LRP1: variants seen among roughly 807,000 people sequenced by gnomAD.
LRP1 encodes LDL receptor related protein 1, also known as prolow-density lipoprotein receptor-related protein 1.
Under a neutral mutation model 541.5 loss-of-function variants are expected in LRP1, and 51 were observed. The ratio of observed to expected loss-of-function variants is 0.09; its 90% CI spans 0.08 to 0.12. The LOEUF (loss-of-function observed/expected upper bound fraction) is 0.12. Among genes scored for constraint, LRP1 ranks in the 10% least tolerant of loss-of-function variants. LRP1 has a pLI of 1.00. For missense variants in LRP1, 3,878 were observed against 6,376.2 expected, an observed-to-expected ratio of 0.61 and a Z score of 13.34; for synonymous variants, 2,219 against 2,470.8, an observed-to-expected ratio of 0.90 and a Z score of 3.02.
rs1266017169 is a variant in LRP1, at chr12:57,141,530, T to A, written c.328+19T>A. 1.9e-6 allele frequency: 3 copies of A among 1,614,100 alleles called. No individual in the cohort carries two copies. Among genetic ancestry groups the A allele is most frequent in the Non-Finnish European group, 1.7e-6 (2 of 1,179,990 alleles). ...TGCCGAGGTAAGGACTTTTCCACTCTCTACTCTCCCGTCTGGATGCAGCAT... is the reference window on the plus strand; with the variant it reads ...TGCCGAGGTAAGGACTTTTCCACTCACTACTCTCCCGTCTGGATGCAGCAT... On this transcript the variant is annotated intron_variant, in intron 3 of 88. Transcript: ENST00000243077.
chr12:57,148,587 G>A (rs182780036), intron 6 of LRP1, among the ~76,000 whole-genome samples: 15 of 152,324 alleles, frequency 9.8e-5, no homozygotes, highest in Non-Finnish European at 1.6e-4. Flanking sequence ...CATTTCCTAA[G>A]CTGAGCTCCT....
chr12:57,185,054 C>T lies in LRP1; in HGVS notation c.6339-27C>T, dbSNP rs778094315. The T allele has an allele frequency of 1.9e-6, 3 of 1,614,068 alleles. No individual in the cohort carries two copies. Among genetic ancestry groups the T allele is most frequent in the East Asian group, 2.2e-5 (1 of 44,874 alleles). On this transcript the variant is annotated intron_variant, in intron 39 of 88. Transcript: ENST00000243077. This position sits in a 1 kb window ranked among gnomAD's most constrained non-coding sequence, Gnocchi z 4.9. ...CCTTCCCTCCTGCCTCCACTGATGCCCTGCTTGTGCCCTGTCCTTCCCTCA... is the reference window on the plus strand; with the variant it reads ...CCTTCCCTCCTGCCTCCACTGATGCTCTGCTTGTGCCCTGTCCTTCCCTCA...
intron 2 of LRP1, among the ~76,000 whole-genome samples, chr12:57,139,676 C>G (rs947862575): frequency 2.6e-5 from 4 of 152,220 alleles, no homozygotes; most frequent in Admixed American, 6.5e-5. Context: ...ACAGACCCAC[C>G]TGGCACTGAT....
chr12:57,177,765 G>A lies in LRP1; in HGVS notation c.4361+174G>A, dbSNP rs555978621. Among the ~76,000 whole-genome samples, 12 of 152,064 alleles carry A rather than the reference G, an allele frequency of 7.9e-5. No individual in the cohort carries two copies. The South Asian group carries it at 1.2e-3, about 16-fold the overall frequency. ...GGAGGGGCGTGGGGAGGCCAGGGCC[G>A]AGGGGAGGGGGCAGGTAGAGGAGGC... On this transcript the variant is annotated intron_variant, in intron 26 of 88. Transcript: ENST00000243077. This position sits in a 1 kb window ranked among gnomAD's most constrained non-coding sequence, Gnocchi z 6.8.
At chr12:57,133,476 G>T in intron 1 of LRP1, among the ~76,000 whole-genome samples, 1 of 152,090 alleles carries the variant, frequency 6.6e-6, no homozygotes, top group African/African-American at 2.4e-5. Flanking sequence ...ACAAAAATGT[G>T]TCTGAGCCTC....
intron 42 of LRP1, among the ~76,000 whole-genome samples, chr12:57,188,813 G>A (rs2036321197): frequency 6.6e-6 from 1 of 152,216 alleles, no homozygotes; most frequent in Non-Finnish European, 1.5e-5. Context: ...CCACCTGGAA[G>A]TCAGGGAACG....
Position 57,184,027 on chromosome 12 carries a change from A to G in LRP1, c.5930-58A>G, listed in dbSNP as rs2036219775. The G allele has an allele frequency of 6.2e-7, 1 of 1,600,794 alleles. No homozygotes were observed. Among genetic ancestry groups the G allele is most frequent in the African/African-American group, 1.3e-5 (1 of 74,724 alleles). ...TGTAGGGGTGCCTGGGAGCTTGGAGACACCAGGTCCACCTGTCCTCACCTA... is the reference window on the plus strand; with the variant it reads ...TGTAGGGGTGCCTGGGAGCTTGGAGGCACCAGGTCCACCTGTCCTCACCTA... On this transcript the variant is annotated intron_variant, in intron 36 of 88. Coordinates refer to ENST00000243077, the MANE Select transcript of LRP1 (RefSeq NM_002332.3). This position sits in a 1 kb window ranked among gnomAD's most constrained non-coding sequence, Gnocchi z 7.8.
At chr12:57,196,355 T>C in intron 55 of LRP1, 78 bp downstream of exon 55, 4 of 1,324,358 alleles carry the variant, frequency 3.0e-6, no homozygotes, top group South Asian at 1.5e-5. Context: ...TATTCATTCA[T>C]TCATCCCCTA....
chr12:57,179,413 C>G lies in LRP1; in HGVS notation c.4823C>G (p.Ser1608Cys), dbSNP rs766587273. Residue 1608 changes from serine to cysteine, a missense_variant, in exon 29 of 89, where the codon TCC becomes TGC. Physicochemically the swap from Ser to Cys is moderately radical, Grantham distance 112. Transcript: ENST00000243077. This position sits in a 1 kb window ranked among gnomAD's most constrained non-coding sequence, Gnocchi z 6.8. Reference sequence around the variant, plus strand: ...GCTCCCTACTACAACTACATCATCTCCTTCACGGTGCCCGACATCGACAAC... The same window carrying G: ...GCTCCCTACTACAACTACATCATCTGCTTCACGGTGCCCGACATCGACAAC... ...LDAPYYNYIISFTVPDIDNVT... is the reference protein window; with the variant it reads ...LDAPYYNYIICFTVPDIDNVT... The G allele has an allele frequency of 6.2e-7, 1 of 1,614,246 alleles. No homozygotes were observed. The highest frequency in any genetic ancestry group is 8.5e-7 in the Non-Finnish European group (1 of 1,180,040).
chr12:57,152,490 T>A (rs978459142), intron 6 of LRP1, among the ~76,000 whole-genome samples: 1 of 152,122 alleles, frequency 6.6e-6, no homozygotes, highest in East Asian at 1.9e-4. Context: ...TCGATTTCCT[T>A]TGGAGGCAGC....
At position 57,184,621 on chromosome 12, in the gene LRP1, C is replaced by T. The variant is rs777082509; in HGVS notation, c.6186+169C>T. ...CTCCTGCTACCACAGAGATGATGGG[C>T]AGGGGTCGCTCAGAAGTGGGGAGTG... is the stretch of plus-strand genomic sequence containing the variant. On this transcript the variant is annotated intron_variant, in intron 38 of 88. Coordinates refer to ENST00000243077, the MANE Select transcript of LRP1 (RefSeq NM_002332.3). This position sits in a 1 kb window ranked among gnomAD's most constrained non-coding sequence, Gnocchi z 7.8. 6.6e-6 allele frequency among the ~76,000 whole-genome samples: 1 copy of T among 152,178 alleles called. No individual in the cohort carries two copies. The highest frequency in any genetic ancestry group is 1.5e-5 in the Non-Finnish European group (1 of 68,034).
At position 57,185,315 on chromosome 12, in the gene LRP1, G is replaced by T. The variant is rs1034856040; in HGVS notation, c.6463+110G>T. 1 of 1,480,730 alleles carries T rather than the reference G, an allele frequency of 6.8e-7. No individual in the cohort carries two copies. Among genetic ancestry groups the T allele is most frequent in the Admixed American group, 2.0e-5 (1 of 50,814 alleles). The allele number at this position is 1,480,730 out of a possible 1,614,324, so 91.7% of individuals were successfully genotyped here. A position where few individuals can be genotyped will look rare whatever the true frequency, so the allele number is the denominator to read the frequency against. On this transcript the variant is annotated intron_variant, in intron 40 of 88. Coordinates refer to ENST00000243077, the MANE Select transcript of LRP1 (RefSeq NM_002332.3). The surrounding 1 kb of genome is among the most constrained non-coding windows in gnomAD (Gnocchi z 4.9). ...GGGCTGGGAGACAAGTTAGACCCAT[G>T]GGGCAACTTCCGATGGCCCGAGAGA...
At position 57,158,987 on chromosome 12, in the gene LRP1, C is replaced by T. The variant is rs1209198265; in HGVS notation, c.1798+349C>T. On this transcript the variant is annotated intron_variant, in intron 11 of 88. Coordinates refer to ENST00000243077, the MANE Select transcript of LRP1 (RefSeq NM_002332.3). This position sits in a 1 kb window ranked among gnomAD's most constrained non-coding sequence, Gnocchi z 5.3. ...AGGCCTGCCAGATCAAAACAGGGCA[C>T]ACCCACATGTATGTGCGCACACAGG... is the stretch of plus-strand genomic sequence containing the variant. Among the ~76,000 whole-genome samples, 1 of 152,226 alleles carries T rather than the reference C, an allele frequency of 6.6e-6. No homozygotes were observed. Among genetic ancestry groups the T allele is most frequent in the African/African-American group, 2.4e-5 (1 of 41,458 alleles).
chr12:57,130,484 A>T (rs1243533319), intron 1 of LRP1, among the ~76,000 whole-genome samples: 1 of 134,604 alleles, frequency 7.4e-6, no homozygotes, highest in Non-Finnish European at 1.5e-5. Flanking sequence ...AATATCCTCC[A>T]GATGCCGCAC....
In LRP1 at chr12:57,154,617, C is replaced by T. The variant is rs367804191; in HGVS notation, c.1143C>T (p.Val381=). 7 of 1,608,980 alleles carry T rather than the reference C, an allele frequency of 4.4e-6. No individual in the cohort carries two copies. The African/African-American group carries it at 9.3e-5, about 21-fold the overall frequency. ...CGCTGGACCTGGTCAGCCGCCTTGT[C>T]TACTGGGCAGATGCCTATCTGGACT... The part of the protein sequence containing the change: ...GITLDLVSRL[V]YWADAYLDYI... The change falls in exon 8 of 89, where the codon GTC becomes GTT. Residue 381 remains valine, a synonymous_variant. Coordinates refer to ENST00000243077, the MANE Select transcript of LRP1 (RefSeq NM_002332.3). This position sits in a 1 kb window ranked among gnomAD's most constrained non-coding sequence, Gnocchi z 4.6.
At position 57,204,799 on chromosome 12, in the gene LRP1, G is replaced by A. The variant is rs2036736010; in HGVS notation, c.11194+50G>A. ...CTGCAGGGGACGGGTAGTGCACAGTGGGGTGAGTCTGGTCCTCGTGGGAGC... is the reference window on the plus strand; with the variant it reads ...CTGCAGGGGACGGGTAGTGCACAGTAGGGTGAGTCTGGTCCTCGTGGGAGC... On this transcript the variant is annotated intron_variant, in intron 72 of 88. Transcript: ENST00000243077. This position sits in a 1 kb window ranked among gnomAD's most constrained non-coding sequence, Gnocchi z 5.3. The A allele has an allele frequency of 6.2e-7, 1 of 1,605,318 alleles. No individual in the cohort carries two copies. Among genetic ancestry groups the A allele is most frequent in the African/African-American group, 1.3e-5 (1 of 74,780 alleles).
Position 57,158,276 on chromosome 12 carries a change from G to A in LRP1, c.1562-126G>A. ...GCGTGGTCTGTCCATCTGACCCAGA[G>A]CCTCGCATCCCTAACGTCTCCTGAC... On this transcript the variant is annotated intron_variant, in intron 10 of 88. Coordinates refer to ENST00000243077, the MANE Select transcript of LRP1 (RefSeq NM_002332.3). This position sits in a 1 kb window ranked among gnomAD's most constrained non-coding sequence, Gnocchi z 5.3. The A allele has an allele frequency of 3.9e-6, 3 of 765,852 alleles. No individual in the cohort carries two copies. Among genetic ancestry groups the A allele is most frequent in the South Asian group, 1.7e-5 (1 of 59,070 alleles). The allele number at this position is 765,852 out of a possible 1,614,324, so 47.4% of individuals were successfully genotyped here. A position where few individuals can be genotyped will look rare whatever the true frequency, so the allele number is the denominator to read the frequency against.
chr12:57,158,291 C>T lies in LRP1; in HGVS notation c.1562-111C>T, dbSNP rs943985750. 54 of 848,752 alleles carry T rather than the reference C, an allele frequency of 6.4e-5. No individual in the cohort carries two copies. The highest frequency in any genetic ancestry group is 3.4e-4 in the South Asian group (21 of 61,252). 52.6% of individuals were successfully genotyped at this position (848,752 alleles called of 1,614,324 possible). A position where few individuals can be genotyped will look rare whatever the true frequency, so the allele number is the denominator to read the frequency against. On this transcript the variant is annotated intron_variant, in intron 10 of 88. Coordinates refer to ENST00000243077, the MANE Select transcript of LRP1 (RefSeq NM_002332.3). This position sits in a 1 kb window ranked among gnomAD's most constrained non-coding sequence, Gnocchi z 5.3. ...CTGACCCAGAGCCTCGCATCCCTAACGTCTCCTGACCCATCACAGCTAGGG... is the reference window on the plus strand; with the variant it reads ...CTGACCCAGAGCCTCGCATCCCTAATGTCTCCTGACCCATCACAGCTAGGG...
At chr12:57,187,534 G>C in intron 42 of LRP1, 78 bp downstream of exon 42, 1 of 1,440,452 alleles carries the variant, frequency 6.9e-7, no homozygotes. Flanking sequence ...GCAGATCCAA[G>C]CGGGGGTGCA....
Sources: gnomAD v4.1 joint callset for allele counts (sites outside exome capture counted in the v4.1 genomes callset) on GRCh38, gnomAD v4.1.1 for gene constraint, Gnocchi (gnomAD v3.1) non-coding constraint, MANE v1.5 for transcripts, NCBI Gene and HGNC (gene_info 2026-07-23, HGNC 2026-07-21) for gene names.